IMMP2L: variants seen among roughly 807,000 people sequenced by gnomAD.
The protein encoded by IMMP2L is inner mitochondrial membrane peptidase subunit 2.
A neutral mutation model predicts 19.3 loss-of-function variants in IMMP2L; 18 were observed. That is an observed-to-expected ratio of 0.93 (90% CI 0.64 to 1.38). The LOEUF (loss-of-function observed/expected upper bound fraction) is 1.38. IMMP2L is among the 40% of genes most tolerant of loss of function. The pLI is 0.00. For synonymous variants in IMMP2L, 76 were observed against 73.0 expected, an observed-to-expected ratio of 1.04 and a Z score of -0.21; for missense variants, 233 against 218.2, an observed-to-expected ratio of 1.07 and a Z score of -0.43.
chr7:110,789,228 CAAGATGCCCCTGCTGT>C (rs1163339370), intron 5 of IMMP2L, among the ~76,000 whole-genome samples: 1 of 151,920 alleles, frequency 6.6e-6, no homozygotes, highest in African/African-American at 2.4e-5. Flanking sequence ...AGGGAACAGA[CAAGATGCCCCTGCTGT>C]GTCCCATTTG....
At chr7:111,390,615 T>A (rs1312228780) in intron 3 of IMMP2L, 1 of 152,186 alleles carries the variant, frequency 6.6e-6, no homozygotes, top group Non-Finnish European at 1.5e-5. Flanking sequence ...CCCCTTTTCA[T>A]GTTAGCCAAA....
chr7:110,775,082 T>C (rs191428796), intron 5 of IMMP2L, among the ~76,000 whole-genome samples: 4 of 152,222 alleles, frequency 2.6e-5, no homozygotes, highest in African/African-American at 9.6e-5. Context: ...TAAAACTTTA[T>C]ATGCTGTTTC....
chr7:111,095,933 A>G lies in IMMP2L; in HGVS notation c.240-132368T>C, dbSNP rs566285245. Among the ~76,000 whole-genome samples, 11 of 152,008 alleles carry G rather than the reference A, an allele frequency of 7.2e-5. No individual in the cohort carries two copies. In the East Asian group the frequency reaches 1.4e-3, roughly 19 times the overall value. ...CATCCCAACTTACTTTTTGATTTCT[A>G]GAGTCAGACTGAGAGCTCCAGTAGG... is the stretch of plus-strand genomic sequence containing the variant. On this transcript the variant is annotated intron_variant, in intron 3 of 5. Coordinates refer to ENST00000405709, the MANE Select transcript of IMMP2L (RefSeq NM_032549.4).
intron 3 of IMMP2L, among the ~76,000 whole-genome samples, chr7:111,441,720 T>TAAAAAAA (rs11312650): frequency 7.2e-6 from 1 of 138,246 alleles, no homozygotes; most frequent in Non-Finnish European, 1.6e-5. Context: ...TTCAACTTGT[T>TAAAAAAA]AAAAAAAAAA....
intron 1 of IMMP2L, among the ~76,000 whole-genome samples, chr7:111,539,083 A>C (rs1848169033): frequency 8.0e-5 from 12 of 150,008 alleles, no homozygotes. Flanking sequence ...ATGCCACTGC[A>C]CTCCAGCCTT....
intron 5 of IMMP2L, among the ~76,000 whole-genome samples, chr7:110,735,224 T>C (rs2130837517): frequency 6.6e-6 from 1 of 152,296 alleles, no homozygotes; most frequent in Middle Eastern, 3.4e-3. Flanking sequence ...GCGGTGGAAC[T>C]ACCAAAAATG....
intron 1 of IMMP2L, among the ~76,000 whole-genome samples, chr7:111,542,166 T>C (rs1055465213): frequency 6.6e-6 from 1 of 152,082 alleles, no homozygotes; most frequent in African/African-American, 2.4e-5. Context: ...ATAGAGTGAT[T>C]AGCCATTCAC....
At chr7:111,261,456 T>A (rs1817303797) in intron 3 of IMMP2L, among the ~76,000 whole-genome samples, 1 of 152,188 alleles carries the variant, frequency 6.6e-6, no homozygotes, top group Non-Finnish European at 1.5e-5. Context: ...CCAGTCTAAA[T>A]TCCCTTTACT....
At chr7:111,405,934 G>A (rs1352494743) in intron 3 of IMMP2L, among the ~76,000 whole-genome samples, 1 of 152,032 alleles carries the variant, frequency 6.6e-6, no homozygotes, top group Non-Finnish European at 1.5e-5. Context: ...GCTGCAACAA[G>A]GACTAGATAG....
At chr7:111,547,613 T>C (rs1202456942) in intron 1 of IMMP2L, among the ~76,000 whole-genome samples, 1 of 150,874 alleles carries the variant, frequency 6.6e-6, no homozygotes, top group Non-Finnish European at 1.5e-5. Flanking sequence ...TGGAGTACAG[T>C]GGTGTGATTA....
intron 3 of IMMP2L, among the ~76,000 whole-genome samples, chr7:111,472,937 A>T (rs1412209288): frequency 6.6e-6 from 1 of 152,120 alleles, no homozygotes; most frequent in African/African-American, 2.4e-5. Context: ...CTCTACTAAA[A>T]GAAAAAAAAG....
At chr7:111,474,534 T>C (rs907652750) in intron 3 of IMMP2L, among the ~76,000 whole-genome samples, 8 of 152,010 alleles carry the variant, frequency 5.3e-5, no homozygotes, top group African/African-American at 1.9e-4. Context: ...ATGCTCTTAT[T>C]ACTGCCTAAT....
intron 3 of IMMP2L, among the ~76,000 whole-genome samples, chr7:111,241,591 G>C (rs992320955): frequency 6.6e-6 from 1 of 151,834 alleles, no homozygotes; most frequent in African/African-American, 2.4e-5. Flanking sequence ...ACACAGAATT[G>C]TTTGACTCAA....
rs370203954 is a variant in IMMP2L at position 111,294,300 on chromosome 7, T to C, written c.239+192938A>G. Reference sequence around the variant, plus strand: ...AGTTAAACAGATTTTTCTCAATAATTACACCAGGAACATGGGCATAAACCT... The same window carrying C: ...AGTTAAACAGATTTTTCTCAATAATCACACCAGGAACATGGGCATAAACCT... On this transcript the variant is annotated intron_variant, in intron 3 of 5. Transcript: ENST00000405709. Among the ~76,000 whole-genome samples the C allele has an allele frequency of 1.1e-4, 16 of 151,978 alleles. No homozygotes were observed. The East Asian group carries it at 2.5e-3, about 24-fold the overall frequency.
chr7:111,214,331 C>CTTTTTTTTTTTTTTTTT (rs1169450523), intron 3 of IMMP2L, among the ~76,000 whole-genome samples: 1 of 82,194 alleles, frequency 1.2e-5, no homozygotes, highest in East Asian at 3.8e-4. Context: ...AATTTTTCTT[C>CTTTTTTTTTTTTTTTTT]TTTTTTTTTT....
At chr7:110,747,042 T>C (rs1343503045) in intron 5 of IMMP2L, among the ~76,000 whole-genome samples, 2 of 151,904 alleles carry the variant, frequency 1.3e-5, no homozygotes, top group Admixed American at 6.6e-5. Context: ...AAGAATCAAA[T>C]AGATGCAATA....
chr7:111,348,142 G>T (rs1284484845), intron 3 of IMMP2L, among the ~76,000 whole-genome samples: 1 of 112,414 alleles, frequency 8.9e-6, no homozygotes, highest in African/African-American at 3.4e-5. Flanking sequence ...CTGTCGTGGG[G>T]TGGGGGGAGG....
intron 3 of IMMP2L, among the ~76,000 whole-genome samples, chr7:111,290,130 T>G (rs1414205694): frequency 1.3e-5 from 2 of 152,190 alleles, no homozygotes; most frequent in Non-Finnish European, 2.9e-5. Context: ...TTGCTTCCCA[T>G]GCTCACAGCA....
chr7:110,852,715 G>A (rs1205377357), intron 5 of IMMP2L, among the ~76,000 whole-genome samples: 2 of 151,984 alleles, frequency 1.3e-5, no homozygotes, highest in South Asian at 2.1e-4. Context: ...TTTGTTCAGA[G>A]GGCCTGGATC....
Sources: gnomAD v4.1 joint callset for allele counts (sites outside exome capture counted in the v4.1 genomes callset) on GRCh38, gnomAD v4.1.1 for gene constraint, MANE v1.5 for transcripts, NCBI Gene and HGNC (gene_info 2026-07-23, HGNC 2026-07-21) for gene names.